The following LMX1B variants were observed in gnomAD, a reference collection of about 807,000 sequenced individuals.
LMX1B encodes LIM homeobox transcription factor 1 beta.
Under a neutral mutation model 51.4 loss-of-function variants are expected in LMX1B, and 12 were observed. The observed-to-expected ratio is 0.23, with a 90% confidence interval of 0.15 to 0.38. The LOEUF (loss-of-function observed/expected upper bound fraction) is 0.38, where lower values mean the gene tolerates loss of function less well. LMX1B is among the 10% of genes least tolerant of loss of function. The pLI, the probability that LMX1B is intolerant of heterozygous loss-of-function variation, is 1.00. For missense variants in LMX1B, 445 were observed against 571.1 expected (o/e 0.78, Z 2.25); for synonymous variants, 237 against 235.4 (o/e 1.01, Z -0.06).
Position 126,671,466 on chromosome 9 carries a change from G to A in LMX1B, c.327-19370G>A, listed in dbSNP as rs1836449609. Among the ~76,000 whole-genome samples, 1 of 152,052 alleles carries A rather than the reference G, an allele frequency of 6.6e-6. No homozygotes were observed. Among genetic ancestry groups the A allele is most frequent in the South Asian group, 2.1e-4 (1 of 4,828 alleles). ...CTTTGTTCCGAGCAGAGCTCAGACT[G>A]CAGAGTGGCTGGGTAAATAGTCGCC... is the stretch of plus-strand genomic sequence containing the variant. On this transcript the variant is annotated intron_variant, in intron 2 of 7. Transcript: ENST00000373474. This position sits in a 1 kb window ranked among gnomAD's most constrained non-coding sequence, Gnocchi z 4.4.
In LMX1B at chr9:126,614,561, G is replaced by C. The variant is rs761427758; in HGVS notation, c.112G>C (p.Gly38Arg). The change falls in exon 1 of 8, where the codon GGG (glycine) becomes CGG (arginine). Residue 38 changes from glycine (G) to arginine (R), a missense_variant. This residue lies in a region of LMX1B where 273 missense variants were observed against 343.3 expected (regional missense o/e 0.80). Transcript: ENST00000373474. Reference sequence around the variant, plus strand: ...GATGGAGGAGCACGCCCTGCGCCCCGGGCCCGCCACTCTGGGGGTGCTGCT... The same window carrying C: ...GATGGAGGAGCACGCCCTGCGCCCCCGGCCCGCCACTCTGGGGGTGCTGCT... ...IKMEEHALRP[G>R]PATLGVLLGS... 26 of 1,570,926 alleles carry C rather than the reference G, an allele frequency of 1.7e-5. No homozygotes were observed. Among genetic ancestry groups the C allele is most frequent in the Non-Finnish European group, 2.0e-5 (23 of 1,160,318 alleles).
In LMX1B at chr9:126,693,733, G is replaced by T. The variant is rs914683099; in HGVS notation, c.820-13G>T. ...GAGGGGCAGCACCGGCCTGAACTGC[G>T]CTCTCCCTGCAGATGAAGAAGCTGG... is the stretch of plus-strand genomic sequence containing the variant. On this transcript the variant is annotated splice_polypyrimidine_tract_variant and intron_variant, in intron 5 of 7. Coordinates refer to ENST00000373474, the MANE Select transcript of LMX1B (RefSeq NM_001174147.2). 11 of 1,563,418 alleles carry T rather than the reference G, an allele frequency of 7.0e-6. No homozygotes were observed. Among genetic ancestry groups the T allele is most frequent in the Non-Finnish European group, 9.5e-6 (11 of 1,155,148 alleles).
intron 2 of LMX1B, among the ~76,000 whole-genome samples, chr9:126,627,418 T>G (rs571950240): frequency 1.3e-3 from 199 of 152,046 alleles, no homozygotes; most frequent in African/African-American, 4.6e-3. Flanking sequence ...GAGCTAACTT[T>G]GAGGGACTCT....
At chr9:126,692,003 G>C (rs1465195974) in intron 3 of LMX1B, among the ~76,000 whole-genome samples, 1 of 152,218 alleles carries the variant, frequency 6.6e-6, no homozygotes, top group Non-Finnish European at 1.5e-5. Flanking sequence ...GTTCTTCCTG[G>C]GAACAGTGGG....
At chr9:126,654,710 C>T (rs553908040) in intron 2 of LMX1B, among the ~76,000 whole-genome samples, 1 of 152,350 alleles carries the variant, frequency 6.6e-6, no homozygotes, top group Admixed American at 6.5e-5. Flanking sequence ...CGAGGAGCAA[C>T]TGCTGAGTGC....
intron 2 of LMX1B, among the ~76,000 whole-genome samples, chr9:126,690,296 G>A (rs545757327): frequency 6.1e-4 from 93 of 152,308 alleles, no homozygotes; most frequent in African/African-American, 1.4e-3. Flanking sequence ...TGTGTGTGAC[G>A]GTTCCTGTGT....
intron 2 of LMX1B, among the ~76,000 whole-genome samples, chr9:126,676,262 G>T (rs149485850): frequency 6.6e-6 from 1 of 152,140 alleles, no homozygotes; most frequent in Non-Finnish European, 1.5e-5. Context: ...TCCCATCCTT[G>T]CCTGGCTGAT....
rs1835804484 is a variant in LMX1B, at chr9:126,641,279, C to T, written c.326+25710C>T. 6.6e-6 allele frequency: 1 copy of T among 152,230 alleles called. No individual in the cohort carries two copies. Among genetic ancestry groups the T allele is most frequent in the South Asian group, 2.1e-4 (1 of 4,838 alleles). 9.4% of individuals were successfully genotyped at this position (152,230 alleles called of 1,614,324 possible). A position where few individuals can be genotyped will look rare whatever the true frequency, so the allele number is the denominator to read the frequency against. On this transcript the variant is annotated intron_variant, in intron 2 of 7. Coordinates refer to ENST00000373474, the MANE Select transcript of LMX1B (RefSeq NM_001174147.2). This position sits in a 1 kb window ranked among gnomAD's most constrained non-coding sequence, Gnocchi z 4.1. ...TCTGAGATGATAGTCATAATTAAAG[C>T]TGCTGTTGACTGAACACTCTCTGTG...
rs1434910102 is a variant in LMX1B, at chr9:126,673,521, AT to A, written c.327-17314del. Among the ~76,000 whole-genome samples the A allele has an allele frequency of 1.3e-5, 2 of 152,098 alleles. No individual in the cohort carries two copies. The highest frequency in any genetic ancestry group is 4.8e-5 in the African/African-American group (2 of 41,400). The stretch of plus-strand genomic sequence containing the variant: ...TTTTGGCACCATCAGGGAGGTGGAG[AT>A]GGACAAGGGAACACAGATTTGGGGC... On this transcript the variant is annotated intron_variant, in intron 2 of 7. Coordinates refer to ENST00000373474, the MANE Select transcript of LMX1B (RefSeq NM_001174147.2). The surrounding 1 kb of genome is among the most constrained non-coding windows in gnomAD (Gnocchi z 4.4).
rs1161226796 is a variant in LMX1B at position 126,614,477 on chromosome 9, C to T, written c.28C>T (p.Leu10=). The T allele has an allele frequency of 3.1e-6, 5 of 1,593,254 alleles. No individual in the cohort carries two copies. Among genetic ancestry groups the T allele is most frequent in the Non-Finnish European group, 4.3e-6 (5 of 1,170,562 alleles). The part of the protein sequence containing the change: MDIATGPES[L]ERCFPRGQTD... ...GGATATAGCAACAGGTCCCGAGTCG[C>T]TGGAGAGGTGCTTCCCTCGCGGGCA... Residue 10 remains leucine (L), a synonymous_variant, in exon 1 of 8, where the codon CTG becomes TTG. Coordinates refer to ENST00000373474, the MANE Select transcript of LMX1B (RefSeq NM_001174147.2).
At position 126,700,411 on chromosome 9, in the gene LMX1B, A is replaced by G. The variant is rs2030500543; in HGVS notation, c.*3960A>G. Reference sequence around the variant, plus strand: ...GAGGCTGATTCCCCACTCTGCCCCCATCTGAATGTCCTTTTCATGTTGCAC... The same window carrying G: ...GAGGCTGATTCCCCACTCTGCCCCCGTCTGAATGTCCTTTTCATGTTGCAC... On this transcript the variant is annotated 3_prime_UTR_variant, in exon 8 of 8. Coordinates refer to ENST00000373474, the MANE Select transcript of LMX1B (RefSeq NM_001174147.2). 6.6e-6 allele frequency: 1 copy of G among 152,276 alleles called. No homozygotes were observed. Among genetic ancestry groups the G allele is most frequent in the Non-Finnish European group, 1.5e-5 (1 of 68,110 alleles). The allele number at this position is 152,276 out of a possible 1,614,324, so 9.4% of individuals were successfully genotyped here. A position where few individuals can be genotyped will look rare whatever the true frequency, so the allele number is the denominator to read the frequency against.
At position 126,673,775 on chromosome 9, in the gene LMX1B, G is replaced by A. The variant is rs1312824737; in HGVS notation, c.327-17061G>A. ...GCATTTAGGAATCTGCTTGTGCAGG[G>A]GTGGTGGGAGGGGCCGGGGTGGAGG... On this transcript the variant is annotated intron_variant, in intron 2 of 7. Coordinates refer to ENST00000373474, the MANE Select transcript of LMX1B (RefSeq NM_001174147.2). The surrounding 1 kb of genome is among the most constrained non-coding windows in gnomAD (Gnocchi z 4.4). Among the ~76,000 whole-genome samples, 2 of 152,166 alleles carry A rather than the reference G, an allele frequency of 1.3e-5. No homozygotes were observed. The highest frequency in any genetic ancestry group is 4.8e-5 in the African/African-American group (2 of 41,448).
chr9:126,619,125 T>C (rs1488729418), intron 2 of LMX1B, among the ~76,000 whole-genome samples: 4 of 152,204 alleles, frequency 2.6e-5, no homozygotes, highest in African/African-American at 7.2e-5. Flanking sequence ...GAGGCTTTGA[T>C]TGAGTTTCAC....
At chr9:126,666,551 G>A (rs1836344319) in intron 2 of LMX1B, among the ~76,000 whole-genome samples, 1 of 144,928 alleles carries the variant, frequency 6.9e-6, no homozygotes, top group South Asian at 2.3e-4. Context: ...AAGAAGGGAA[G>A]TGAGAAAAAC....
Position 126,666,736 on chromosome 9 carries a change from C to T in LMX1B, c.327-24100C>T, listed in dbSNP as rs538866976. ...AGACTCTGAAGACTTCTGAGCAGGC[C>T]GTGATGCAGTTTGATTTTCATTCTG... On this transcript the variant is annotated intron_variant, in intron 2 of 7. Transcript: ENST00000373474. Among the ~76,000 whole-genome samples, 5 of 152,158 alleles carry T rather than the reference C, an allele frequency of 3.3e-5. No individual in the cohort carries two copies. The South Asian group carries it at 8.3e-4, about 25-fold the overall frequency.
rs1343826195 is a variant in LMX1B, at chr9:126,617,811, T to C, written c.326+2242T>C. 2.0e-5 allele frequency among the ~76,000 whole-genome samples: 3 copies of C among 150,868 alleles called. No individual in the cohort carries two copies. In the East Asian group the frequency reaches 5.9e-4, roughly 30 times the overall value. ...GAAGCCTGGGGTGGGGAGTGCATTA[T>C]TCTAGCTGTGGACAGTTCATTCCTC... On this transcript the variant is annotated intron_variant, in intron 2 of 7. Coordinates refer to ENST00000373474, the MANE Select transcript of LMX1B (RefSeq NM_001174147.2).
intron 6 of LMX1B, 166 bp downstream of exon 6, chr9:126,693,978 G>A (rs2030243021): frequency 8.5e-6 from 5 of 586,408 alleles, no homozygotes; most frequent in Admixed American, 3.1e-5. Context: ...AGGGGCCCGG[G>A]ATGTTTCTTT....
chr9:126,689,352 A>G (rs1021314733), intron 2 of LMX1B, among the ~76,000 whole-genome samples: 6 of 152,160 alleles, frequency 3.9e-5, no homozygotes, highest in Non-Finnish European at 8.8e-5. Context: ...ATTTATGGCC[A>G]TTTCTGTTCC....
intron 6 of LMX1B, 50 bp downstream of exon 6, chr9:126,693,862 G>A (rs2030237775): frequency 2.2e-6 from 2 of 899,260 alleles, no homozygotes. Context: ...TGGGGCCGGG[G>A]CCAGGGGTGG....
Sources: gnomAD v4.1 joint callset for allele counts (sites outside exome capture counted in the v4.1 genomes callset) on GRCh38, gnomAD v4.1.1 for gene constraint, gnomAD v4.1.1 regional missense constraint, Gnocchi (gnomAD v3.1) non-coding constraint, MANE v1.5 for transcripts, NCBI Gene and HGNC (gene_info 2026-07-23, HGNC 2026-07-21) for gene names.